POU6F2: variants seen among roughly 807,000 people sequenced by gnomAD.
The protein encoded by POU6F2 is POU domain, class 6, transcription factor 2.
In POU6F2, 31 loss-of-function variants were observed where a neutral mutation model predicts 71.3. That is an observed-to-expected ratio of 0.43 (90% CI 0.33 to 0.59). The LOEUF (loss-of-function observed/expected upper bound fraction) is 0.59, where lower values mean the gene tolerates loss of function less well. Among genes scored for constraint, POU6F2 ranks in the 20% least tolerant of loss-of-function variants. The pLI is 0.04. For missense variants in POU6F2, 783 were observed against 856.8 expected (o/e 0.91, Z 1.07); for synonymous variants, 347 against 355.7 (o/e 0.98, Z 0.27).
intron 2 of POU6F2, among the ~76,000 whole-genome samples, chr7:39,180,291 T>A (rs1409901934): frequency 6.6e-6 from 1 of 152,158 alleles, no homozygotes; most frequent in Non-Finnish European, 1.5e-5. Flanking sequence ...AGATTTTTTT[T>A]AAGTAGCCAG....
intron 2 of POU6F2, among the ~76,000 whole-genome samples, chr7:39,190,617 G>A (rs1584592110): frequency 9.0e-6 from 1 of 111,102 alleles, no homozygotes; most frequent in Non-Finnish European, 1.9e-5. Context: ...ATCCCTTCTT[G>A]TTTGAGTCAA....
intron 4 of POU6F2, among the ~76,000 whole-genome samples, chr7:39,332,346 G>C (rs190433493): frequency 1.3e-5 from 2 of 152,192 alleles, no homozygotes; most frequent in African/African-American, 4.8e-5. Flanking sequence ...TCACAGTGGG[G>C]CTCCCTTGTG....
chr7:38,991,118 A>G (rs1196369319), intron 1 of POU6F2, among the ~76,000 whole-genome samples: 3 of 152,170 alleles, frequency 2.0e-5, no homozygotes, highest in African/African-American at 7.2e-5. Flanking sequence ...TTGATACCAT[A>G]GCACAAATTA....
At chr7:39,429,797 G>T (rs17171576) in intron 6 of POU6F2, among the ~76,000 whole-genome samples, 5,302 of 152,258 alleles carry the variant, frequency 0.035, 265 homozygotes, top group African/African-American at 0.11. Context: ...CATTCTCAAA[G>T]AAGAGATTCC....
At chr7:39,017,543 G>C (rs983803714) in intron 1 of POU6F2, among the ~76,000 whole-genome samples, 1 of 152,128 alleles carries the variant, frequency 6.6e-6, no homozygotes, top group African/African-American at 2.4e-5. Flanking sequence ...AGCATCAGGA[G>C]GTCCCCATAT....
At chr7:39,344,949 A>T (rs1266653596) in intron 5 of POU6F2, among the ~76,000 whole-genome samples, 1 of 152,204 alleles carries the variant, frequency 6.6e-6, no homozygotes, top group Non-Finnish European at 1.5e-5. Flanking sequence ...GACTGAGATG[A>T]TGGTGAGGCT....
At chr7:39,156,195 T>C (rs1378309225) in intron 2 of POU6F2, among the ~76,000 whole-genome samples, 1 of 152,178 alleles carries the variant, frequency 6.6e-6, no homozygotes, top group East Asian at 1.9e-4. Context: ...GTTTATGCTG[T>C]GTCTAAGATT....
intron 4 of POU6F2, among the ~76,000 whole-genome samples, chr7:39,296,432 T>C (rs1451918865): frequency 6.6e-6 from 1 of 152,200 alleles, no homozygotes; most frequent in Non-Finnish European, 1.5e-5. Flanking sequence ...CCATCCCTTC[T>C]CCTCTTCCTC....
chr7:39,341,146 A>C lies in POU6F2; in HGVS notation c.972+1131A>C, dbSNP rs1235962765. On this transcript the variant is annotated intron_variant, in intron 5 of 9. Transcript: ENST00000518318. ...ATACAAAATAAAGACAGGTTGGTAC[A>C]CGGACAGAAAGGCAGGTGGATTAGA... Among the ~76,000 whole-genome samples the C allele has an allele frequency of 2.0e-5, 3 of 152,222 alleles. 1 individual carries two copies. Among genetic ancestry groups the C allele is most frequent in the Middle Eastern group, 6.3e-3 (2 of 316 alleles).
At chr7:39,366,739 C>A (rs1010194225) in intron 5 of POU6F2, among the ~76,000 whole-genome samples, 1 of 152,090 alleles carries the variant, frequency 6.6e-6, no homozygotes, top group Non-Finnish European at 1.5e-5. Flanking sequence ...AGTTGGGCAA[C>A]TTGGCTAGTG....
chr7:39,425,094 C>A (rs1173797398), intron 6 of POU6F2, among the ~76,000 whole-genome samples: 1 of 152,028 alleles, frequency 6.6e-6, no homozygotes, highest in African/African-American at 2.4e-5. Flanking sequence ...AGGGTTCAGG[C>A]CATACTCTAT....
chr7:39,059,474 C>G (rs1258506838), intron 1 of POU6F2, among the ~76,000 whole-genome samples: 1 of 149,132 alleles, frequency 6.7e-6, no homozygotes, highest in African/African-American at 2.5e-5. Context: ...AACGAGATAC[C>G]ACTTCATACC....
intron 1 of POU6F2, among the ~76,000 whole-genome samples, chr7:39,016,469 A>G (rs1789551201): frequency 1.3e-5 from 2 of 151,982 alleles, no homozygotes; most frequent in South Asian, 2.1e-4. Context: ...TAGTCCCATT[A>G]GAGAGAAAAA....
intron 1 of POU6F2, among the ~76,000 whole-genome samples, chr7:39,031,330 T>C (rs755493184): frequency 6.6e-6 from 1 of 152,212 alleles, no homozygotes; most frequent in Non-Finnish European, 1.5e-5. Context: ...CTGTAAGCCA[T>C]TTTGTTGGAA....
intron 2 of POU6F2, among the ~76,000 whole-genome samples, chr7:39,124,081 C>CT (rs1792098313): frequency 8.1e-6 from 1 of 123,338 alleles, no homozygotes; most frequent in Non-Finnish European, 1.6e-5. Context: ...GAGTCTTGCT[C>CT]TGTCACCCCG....
chr7:39,211,793 G>T (rs923466725), intron 4 of POU6F2, among the ~76,000 whole-genome samples: 1 of 152,124 alleles, frequency 6.6e-6, no homozygotes, highest in African/African-American at 2.4e-5. Context: ...CAGGAGGCAG[G>T]CATCTAATCC....
At chr7:39,329,889 C>A (rs563988699) in intron 4 of POU6F2, among the ~76,000 whole-genome samples, 1 of 152,140 alleles carries the variant, frequency 6.6e-6, no homozygotes, top group Admixed American at 6.5e-5. Flanking sequence ...AAGAAATTAA[C>A]GTCAAATACT....
chr7:39,080,052 C>T (rs947859102), intron 1 of POU6F2, among the ~76,000 whole-genome samples: 12 of 151,914 alleles, frequency 7.9e-5, no homozygotes, highest in South Asian at 4.1e-4. Context: ...AAATGTTCTA[C>T]AATAAATACG....
At chr7:39,222,522 C>A (rs1032306532) in intron 4 of POU6F2, among the ~76,000 whole-genome samples, 9 of 152,122 alleles carry the variant, frequency 5.9e-5, no homozygotes, top group Non-Finnish European at 1.3e-4. Context: ...ACTTTTTCAT[C>A]CTCCCCAGCT....
Sources: allele counts gnomAD v4.1 joint callset (sites outside exome capture counted in the v4.1 genomes callset), GRCh38; gene constraint gnomAD v4.1.1; transcripts MANE v1.5; gene names NCBI Gene and HGNC (gene_info 2026-07-23, HGNC 2026-07-21).